Variants in RSU1 observed in about 807,000 individuals in gnomAD.
The protein encoded by RSU1 is Ras suppressor protein 1, also known as rsu-1.
A neutral mutation model predicts 31.1 loss-of-function variants in RSU1; 26 were observed. That is an observed-to-expected ratio of 0.84 (90% CI 0.61 to 1.16). The LOEUF (loss-of-function observed/expected upper bound fraction) is 1.16. RSU1 is among the 50% of genes most tolerant of loss of function. The pLI, the probability that RSU1 is intolerant of heterozygous loss-of-function variation, is 0.00. For missense variants in RSU1, 320 were observed against 339.1 expected (o/e 0.94, Z 0.44); for synonymous variants, 164 against 136.3 (o/e 1.20, Z -1.41).
intron 7 of RSU1, among the ~76,000 whole-genome samples, chr10:16,716,165 C>G (rs1337947596): frequency 6.6e-6 from 1 of 152,030 alleles, no homozygotes; most frequent in Non-Finnish European, 1.5e-5. Context: ...AGAAAAAGTT[C>G]AAATGTAGGA....
chr10:16,789,478 A>G (rs1837867760), intron 2 of RSU1, among the ~76,000 whole-genome samples: 1 of 152,228 alleles, frequency 6.6e-6, no homozygotes, highest in African/African-American at 2.4e-5. Flanking sequence ...TCAGGCAAAG[A>G]CCAAGTGGAG....
chr10:16,745,294 T>A (rs773974964), intron 7 of RSU1, among the ~76,000 whole-genome samples: 2 of 152,170 alleles, frequency 1.3e-5, no homozygotes, highest in African/African-American at 2.4e-5. Context: ...ATCCTTTTAA[T>A]CCTCACAAAG....
In RSU1 at chr10:16,644,105, TG is replaced by T. The variant is rs35016756; in HGVS notation, c.732-50610del. 4.0e-4 allele frequency among the ~76,000 whole-genome samples: 58 copies of T among 144,510 alleles called. No individual in the cohort carries two copies. The East Asian group carries it at 4.9e-3, about 12-fold the overall frequency. 94.8% of individuals were successfully genotyped at this position (144,510 alleles called of 152,430 possible). A position where few individuals can be genotyped will look rare whatever the true frequency, so the allele number is the denominator to read the frequency against. ...GTATTGTAAGGTGGGCAGAGGGTGG[TG>T]GGGGGGGGTCCTAGAACCAATCCCC... On this transcript the variant is annotated intron_variant, in intron 8 of 8. Transcript: ENST00000345264.
At chr10:16,595,749 A>G (rs1833599950) in intron 8 of RSU1, among the ~76,000 whole-genome samples, 1 of 152,070 alleles carries the variant, frequency 6.6e-6, no homozygotes, top group Admixed American at 6.6e-5. Flanking sequence ...CAGGCAGATC[A>G]CGAGGTCAAG....
chr10:16,710,856 C>T, intron 7 of RSU1, among the ~76,000 whole-genome samples: 1 of 152,062 alleles, frequency 6.6e-6, no homozygotes, highest in African/African-American at 2.4e-5. Context: ...GTAATGCTCC[C>T]CTCCGTGTGT....
At position 16,762,944 on chromosome 10, in the gene RSU1, C is replaced by T. The variant is rs776298701; in HGVS notation, c.281+1446G>A. On this transcript the variant is annotated intron_variant, in intron 4 of 8. Transcript: ENST00000345264. ...AGGAGAATCGCTTGAACCCAGGAGG[C>T]GGAGGCTGCAGCTAGCCCAGATCGC... Among the ~76,000 whole-genome samples the T allele has an allele frequency of 3.3e-5, 5 of 150,578 alleles. No individual in the cohort carries two copies. The East Asian group carries it at 7.8e-4, about 23-fold the overall frequency.
chr10:16,795,482 G>A (rs974331386), intron 2 of RSU1, among the ~76,000 whole-genome samples: 6 of 151,676 alleles, frequency 4.0e-5, no homozygotes, highest in Admixed American at 2.0e-4. Context: ...TATTTCTCAC[G>A]ATAACCCTAC....
chr10:16,783,658 G>GTT (rs57576455), intron 2 of RSU1, among the ~76,000 whole-genome samples: 4 of 148,312 alleles, frequency 2.7e-5, no homozygotes, highest in Non-Finnish European at 6.0e-5. Context: ...CCGGCCGCAT[G>GTT]TTTTTTTTTT....
chr10:16,666,811 A>G (rs1040464340), intron 8 of RSU1, among the ~76,000 whole-genome samples: 3 of 152,090 alleles, frequency 2.0e-5, no homozygotes, highest in African/African-American at 7.2e-5. Context: ...AGCATGGTGA[A>G]ACCTCATCTT....
At chr10:16,791,581 T>G (rs12355366) in intron 2 of RSU1, among the ~76,000 whole-genome samples, 1 of 144,848 alleles carries the variant, frequency 6.9e-6, no homozygotes, top group Non-Finnish European at 1.5e-5. Context: ...GTGACCGACA[T>G]CACACCACTG....
chr10:16,676,534 C>T (rs1257204769), intron 8 of RSU1, among the ~76,000 whole-genome samples: 1 of 152,182 alleles, frequency 6.6e-6, no homozygotes, highest in Admixed American at 6.5e-5. Flanking sequence ...TGGGTGGGGA[C>T]ACAGCCAAAC....
chr10:16,751,759 A>C, intron 7 of RSU1, among the ~76,000 whole-genome samples: 1 of 152,218 alleles, frequency 6.6e-6, no homozygotes, highest in African/African-American at 2.4e-5. Flanking sequence ...GTAGAAAAGC[A>C]AATAATCGCA....
Position 16,719,582 on chromosome 10 carries a change from T to C in RSU1, c.599-24427A>G, listed in dbSNP as rs536729946. 3.9e-5 allele frequency among the ~76,000 whole-genome samples: 6 copies of C among 152,338 alleles called. No homozygotes were observed. In the East Asian group the frequency reaches 7.7e-4, roughly 20 times the overall value. On this transcript the variant is annotated intron_variant, in intron 7 of 8. Transcript: ENST00000345264. ...TTATTTTAGTTTCTCCCAGAATCTATTGGTTTGTTTCACAGTACTTACTAT... is the reference window on the plus strand; with the variant it reads ...TTATTTTAGTTTCTCCCAGAATCTACTGGTTTGTTTCACAGTACTTACTAT...
intron 8 of RSU1, among the ~76,000 whole-genome samples, chr10:16,642,848 C>G (rs1834469593): frequency 6.6e-6 from 1 of 152,078 alleles, no homozygotes; most frequent in African/African-American, 2.4e-5. Context: ...CTTCTAAAAG[C>G]CAGGTTTATT....
At chr10:16,654,078 C>A (rs1051300568) in intron 8 of RSU1, among the ~76,000 whole-genome samples, 5 of 152,008 alleles carry the variant, frequency 3.3e-5, no homozygotes, top group Non-Finnish European at 4.4e-5. Context: ...TCCTGGCTCA[C>A]TGCAACCTCT....
intron 4 of RSU1, among the ~76,000 whole-genome samples, chr10:16,761,630 G>A (rs1837213415): frequency 6.6e-6 from 1 of 152,148 alleles, no homozygotes; most frequent in Admixed American, 6.5e-5. Flanking sequence ...GCCGAGGCGG[G>A]TGGATCATGA....
chr10:16,696,901 T>A, intron 7 of RSU1, among the ~76,000 whole-genome samples: 1 of 152,192 alleles, frequency 6.6e-6, no homozygotes, highest in Admixed American at 6.5e-5. Flanking sequence ...AACTGACCCC[T>A]TGTTTACATT....
rs774816591 is a variant in RSU1 at position 16,591,727 on chromosome 10, T to A, written c.*1667A>T. On this transcript the variant is annotated 3_prime_UTR_variant, in exon 9 of 9. Transcript: ENST00000345264. ...TGAAAAAAATGACTCATAAGAGCCC[T>A]TCATATTGTTAGATTTTTACTAATG... is the stretch of plus-strand genomic sequence containing the variant. 1.3e-5 allele frequency: 2 copies of A among 152,204 alleles called. No individual in the cohort carries two copies. Among genetic ancestry groups the A allele is most frequent in the Admixed American group, 6.5e-5 (1 of 15,286 alleles). The allele number at this position is 152,204 out of a possible 1,614,324, so 9.4% of individuals were successfully genotyped here.
At chr10:16,812,600 G>C (rs1838431870) in intron 2 of RSU1, among the ~76,000 whole-genome samples, 1 of 152,090 alleles carries the variant, frequency 6.6e-6, no homozygotes, top group African/African-American at 2.4e-5. Context: ...AGCTCTTCCA[G>C]ATAACCCATG....
Sources: gnomAD v4.1 joint callset for allele counts (sites outside exome capture counted in the v4.1 genomes callset) on GRCh38, gnomAD v4.1.1 for gene constraint, MANE v1.5 for transcripts, NCBI Gene and HGNC (gene_info 2026-07-23, HGNC 2026-07-21) for gene names.